The following TAF1 variants were observed in gnomAD, a reference collection of about 807,000 sequenced individuals.
TAF1 encodes transcription initiation factor TFIID subunit 1.
TAF1 carries 2 observed loss-of-function variants against 138.5 expected under a neutral mutation model. The observed-to-expected ratio is 0.01, with a 90% CI of 0.01 to 0.05. The LOEUF (loss-of-function observed/expected upper bound fraction) is 0.05, where lower values mean the gene tolerates loss of function less well. Among genes scored for constraint, TAF1 ranks in the 10% least tolerant of loss-of-function variants. TAF1 has a pLI of 1.00. For synonymous variants in TAF1, 437 were observed against 503.2 expected, an observed-to-expected ratio of 0.87 and a Z score of 1.76; for missense variants, 709 against 1,478.0, an observed-to-expected ratio of 0.48 and a Z score of 8.53.
chrX:71,482,520 G>A lies in TAF1; in HGVS notation c.1366+21717G>A, dbSNP rs187479504. Among the ~76,000 whole-genome samples the A allele has an allele frequency of 4.6e-4, 52 of 112,504 alleles. 1 individual carries two copies. Among genetic ancestry groups the A allele is most frequent in the Admixed American group, 2.1e-3 (22 of 10,564 alleles). ...GTCACAGGGATTTTTTTGTTTCCCAGTGCATATAAGTTATGTTTACACTAT... is the reference window on the plus strand; with the variant it reads ...GTCACAGGGATTTTTTTGTTTCCCAATGCATATAAGTTATGTTTACACTAT... On this transcript the variant is annotated intron_variant and NMD_transcript_variant, in intron 13 of 14. Transcript: ENST00000373775.
Position 71,381,854 on chromosome X carries a change from C to T in TAF1, c.1472C>T (p.Ala491Val), listed in dbSNP as rs1283122039. 8.4e-7 allele frequency: 1 copy of T among 1,184,795 alleles called. No individual in the cohort carries two copies. The highest frequency in any genetic ancestry group is 1.1e-6 in the Non-Finnish European group (1 of 881,878). ...GACAATATCATTTGGGATGCTCAGG[C>T]CATGCCCCGGCTGTTGGAACCTCCT... The part of the protein sequence containing the change: ...WEDNIIWDAQ[A>V]MPRLLEPPVL... Residue 491 changes from alanine (A) to valine (V), a missense_variant, in exon 9 of 38, where the codon GCC (alanine) becomes GTC (valine). Ala to Val is a moderately conservative substitution (Grantham distance 64, BLOSUM62 0). Coordinates refer to ENST00000423759, the MANE Select transcript of TAF1 (RefSeq NM_004606.5).
rs1569408423 is a variant in TAF1, at chrX:71,503,318, ATATGTG to A, written c.1367-25222_1367-25217del. On this transcript the variant is annotated intron_variant and NMD_transcript_variant, in intron 13 of 14. Transcript: ENST00000373775. ...TATGTGTATATATATATATATATAT[ATATGTG>A]TGTGTATATATATATATATGTGTAT... Among the ~76,000 whole-genome samples the A allele has an allele frequency of 1.5e-4, 14 of 92,235 alleles. 1 individual carries two copies. Among genetic ancestry groups the A allele is most frequent in the African/African-American group, 4.8e-4 (10 of 20,905 alleles). The allele number at this position is 92,235 out of a possible 115,157, so 80.1% of individuals were successfully genotyped here.
chrX:71,436,753 A>G (rs1392389760), intron 32 of TAF1, among the ~76,000 whole-genome samples: 3 of 111,786 alleles, frequency 2.7e-5, no homozygotes, highest in Non-Finnish European at 5.6e-5. Context: ...TGCTATTATC[A>G]CCAGATAATT....
At chrX:71,379,671 C>T (rs914344700) in intron 8 of TAF1, among the ~76,000 whole-genome samples, 17 of 102,261 alleles carry the variant, frequency 1.7e-4, no homozygotes, top group African/African-American at 6.1e-4. Flanking sequence ...GGCGCAATCT[C>T]AGCTCACTGC....
At chrX:71,403,865 T>G (rs1008751600) in intron 25 of TAF1, among the ~76,000 whole-genome samples, 2 of 109,147 alleles carry the variant, frequency 1.8e-5, no homozygotes, top group African/African-American at 6.7e-5. Context: ...GCTCACATAG[T>G]GTCCCAAATT....
chrX:71,501,287 G>A (rs1415308457), intron 13 of TAF1, among the ~76,000 whole-genome samples: 2 of 106,362 alleles, frequency 1.9e-5, no homozygotes, highest in Non-Finnish European at 3.9e-5. Flanking sequence ...TCCAGATAGT[G>A]TCCCCCCACT....
At chrX:71,529,920 A>G (rs2040072472) in exon 15 of TAF1, 1 of 235,299 alleles carries the variant, frequency 4.2e-6, no homozygotes, top group African/African-American at 2.9e-5. Flanking sequence ...TGCTGAGAGA[A>G]AAAGTATCCT....
chrX:71,530,521 G>A (rs887551106), downstream of TAF1: 1 of 83,182 alleles, frequency 1.2e-5, no homozygotes, highest in Non-Finnish European at 2.2e-5. Context: ...CGAGTGGGTT[G>A]CTACTACTGG....
intron 32 of TAF1, among the ~76,000 whole-genome samples, chrX:71,425,241 A>T (rs2036539840): frequency 9.0e-6 from 1 of 111,437 alleles, no homozygotes; most frequent in African/African-American, 3.3e-5. Flanking sequence ...TGAATAACAT[A>T]TGCCAGGCCC....
intron 32 of TAF1, among the ~76,000 whole-genome samples, chrX:71,428,231 G>T (rs1192009444): frequency 9.1e-6 from 1 of 109,406 alleles, no homozygotes; most frequent in East Asian, 2.9e-4. Flanking sequence ...GGCCAGGCTG[G>T]TCTCGAACTT....
chrX:71,477,081 G>A (rs962819241), intron 13 of TAF1, among the ~76,000 whole-genome samples: 9 of 108,513 alleles, frequency 8.3e-5, no homozygotes, highest in African/African-American at 2.7e-4. Flanking sequence ...TGGGATTACC[G>A]GTGCCTGCCA....
At chrX:71,460,166 A>G (rs2038487610) in intron 36 of TAF1, among the ~76,000 whole-genome samples, 1 of 112,204 alleles carries the variant, frequency 8.9e-6, no homozygotes, top group Non-Finnish European at 1.9e-5. Context: ...GCTTGAGCCC[A>G]GGACTTCAAG....
At chrX:71,413,052 T>G (rs1012923500) in intron 28 of TAF1, among the ~76,000 whole-genome samples, 1 of 111,444 alleles carries the variant, frequency 9.0e-6, no homozygotes, top group Admixed American at 9.7e-5. Flanking sequence ...GAAATCCTCA[T>G]TGGAGCATTT....
At chrX:71,384,414 CTT>C (rs778075717) in intron 13 of TAF1, among the ~76,000 whole-genome samples, 4 of 99,805 alleles carry the variant, frequency 4.0e-5, no homozygotes, top group African/African-American at 3.6e-5. Context: ...AAATCCAAAA[CTT>C]TTTTTTTTTT....
intron 18 of TAF1, 135 bp from the exon 19 acceptor site, chrX:71,392,434 G>A: frequency 1.2e-6 from 1 of 828,728 alleles, no homozygotes; most frequent in South Asian, 3.7e-5. Flanking sequence ...GTTTAAGAGA[G>A]CATGAACCCA....
chrX:71,447,766 C>A (rs931183559), intron 32 of TAF1, among the ~76,000 whole-genome samples: 5 of 109,545 alleles, frequency 4.6e-5, no homozygotes, highest in Non-Finnish European at 9.5e-5. Flanking sequence ...TTGTGACTTG[C>A]GTTTCTTCTC....
intron 25 of TAF1, among the ~76,000 whole-genome samples, chrX:71,404,029 G>A (rs1239843004): frequency 6.5e-5 from 7 of 108,083 alleles, no homozygotes; most frequent in African/African-American, 2.0e-4. Flanking sequence ...GCTGGAGTGC[G>A]GTGGCGCAAT....
At chrX:71,389,518 TAA>T in intron 17 of TAF1, 65 bp from the exon 18 acceptor site, 1 of 835,326 alleles carries the variant, frequency 1.2e-6, no homozygotes, top group Non-Finnish European at 1.7e-6. Flanking sequence ...TTGTATTCAG[TAA>T]AAAAAAAACT....
chrX:71,458,506 G>A, intron 35 of TAF1, 140 bp downstream of exon 35: 2 of 874,009 alleles, frequency 2.3e-6, no homozygotes, highest in Non-Finnish European at 3.1e-6. Context: ...GCTTAGAAAT[G>A]GGATTTCAAG....
Sources: allele counts gnomAD v4.1 joint callset (sites outside exome capture counted in the v4.1 genomes callset), GRCh38; gene constraint gnomAD v4.1.1; transcripts MANE v1.5; gene names NCBI Gene and HGNC (gene_info 2026-07-23, HGNC 2026-07-21).